Variants in B4GALT6 observed in about 807,000 individuals in gnomAD.
The protein encoded by B4GALT6 is beta-1,4-galactosyltransferase 6, also known as UDP-Gal:beta-GlcNAc beta-1,4-galactosyltransferase 6.
A neutral mutation model predicts 46.3 loss-of-function variants in B4GALT6; 14 were observed. The ratio of observed to expected loss-of-function variants is 0.30; its 90% CI spans 0.20 to 0.47. The LOEUF (loss-of-function observed/expected upper bound fraction) is 0.47. Among genes scored for constraint, B4GALT6 ranks in the 20% least tolerant of loss-of-function variants. The pLI is 0.99. For synonymous variants in B4GALT6, 168 were observed against 162.0 expected, an observed-to-expected ratio of 1.04 and a Z score of -0.28; for missense variants, 386 against 480.1, an observed-to-expected ratio of 0.80 and a Z score of 1.83.
At position 31,624,811 on chromosome 18, in the gene B4GALT6, C is replaced by T. The variant is rs1236496116; in HGVS notation, c.*803G>A. ...CAGAGGTACATGGAAAGACATTTAA[C>T]ATAAAGAGATCCTTTATATCATGTC... On this transcript the variant is annotated 3_prime_UTR_variant, in exon 9 of 9. Transcript: ENST00000306851. 1 of 152,582 alleles carries T rather than the reference C, an allele frequency of 6.6e-6. No individual in the cohort carries two copies. Among genetic ancestry groups the T allele is most frequent in the Non-Finnish European group, 1.5e-5 (1 of 68,022 alleles). The allele number at this position is 152,582 out of a possible 1,614,324, so 9.5% of individuals were successfully genotyped here. A position where few individuals can be genotyped will look rare whatever the true frequency, so the allele number is the denominator to read the frequency against.
At chr18:31,720,860 G>A in the B4GALT6 span, among the ~76,000 whole-genome samples, 4 of 152,166 alleles carry the variant, frequency 2.6e-5, no homozygotes, top group Admixed American at 2.6e-4. Context: ...TGCAAATCTG[G>A]GATATGCAGG....
intron 2 of B4GALT6, among the ~76,000 whole-genome samples, chr18:31,666,029 ATTAAC>A (rs771155671): frequency 5.3e-5 from 8 of 152,234 alleles, no homozygotes; most frequent in Non-Finnish European, 1.2e-4. Context: ...GTTTACAAGA[ATTAAC>A]TTAAGTGTCT....
chr18:31,656,752 C>A (rs966308609), intron 3 of B4GALT6, among the ~76,000 whole-genome samples: 1 of 151,954 alleles, frequency 6.6e-6, no homozygotes, highest in South Asian at 2.1e-4. Context: ...AAACAAGAAG[C>A]CTGGGAATGT....
intron 3 of B4GALT6, among the ~76,000 whole-genome samples, chr18:31,646,636 C>T (rs914176217): frequency 2.0e-5 from 3 of 152,148 alleles, no homozygotes; most frequent in African/African-American, 7.2e-5. Flanking sequence ...TTGAGGTTTC[C>T]CATTTCGAGT....
At chr18:31,669,179 A>G (rs2074319654) in intron 1 of B4GALT6, among the ~76,000 whole-genome samples, 2 of 152,180 alleles carry the variant, frequency 1.3e-5, no homozygotes, top group South Asian at 4.1e-4. Flanking sequence ...TTTGTCCCAG[A>G]GATTCAAAGT....
intron 5 of B4GALT6, among the ~76,000 whole-genome samples, chr18:31,638,396 G>A (rs572686979): frequency 2.0e-5 from 3 of 151,972 alleles, no homozygotes; most frequent in Non-Finnish European, 2.9e-5. Context: ...GCGTGGTGGC[G>A]GGTGCCTGTA....
At chr18:31,673,578 T>C (rs751588997) in intron 1 of B4GALT6, among the ~76,000 whole-genome samples, 21 of 152,296 alleles carry the variant, frequency 1.4e-4, no homozygotes, top group Non-Finnish European at 1.5e-5. Context: ...TTGGCAGGCA[T>C]AGGTTTCTGA....
At position 31,627,121 on chromosome 18, in the gene B4GALT6, A is replaced by T. The variant is rs774347913; in HGVS notation, c.777T>A (p.Ile259=). ...FAAKLDKYMY[I]LPYKEFFGGV... ...CACCAAAAAATTCTTTATATGGAAGACTAGAAAAGAAAGACACAGTATTCT... is the reference window on the plus strand; with the variant it reads ...CACCAAAAAATTCTTTATATGGAAGTCTAGAAAAGAAAGACACAGTATTCT... Residue 259 remains isoleucine, a splice_region_variant and synonymous_variant, in exon 7 of 9, where the codon ATT becomes ATA. Transcript: ENST00000306851. 2.5e-6 allele frequency: 4 copies of T among 1,591,768 alleles called. No homozygotes were observed. The Admixed American group carries it at 5.5e-5, about 22-fold the overall frequency.
the B4GALT6 span, chr18:31,724,606 G>T: frequency 2.8e-6 from 3 of 1,064,452 alleles, no homozygotes; most frequent in Non-Finnish European, 2.3e-6. Context: ...GAGCTGCCCC[G>T]GGGCCAGAGC....
intron 1 of B4GALT6, among the ~76,000 whole-genome samples, chr18:31,667,841 C>A (rs912829951): frequency 5.3e-5 from 8 of 152,248 alleles, no homozygotes; most frequent in African/African-American, 1.9e-4. Flanking sequence ...TGAAGACTCA[C>A]GCCTGTAATT....
upstream of B4GALT6, chr18:31,685,848 C>T (rs2029896951): frequency 6.6e-6 from 1 of 152,286 alleles, no homozygotes; most frequent in African/African-American, 2.4e-5. Flanking sequence ...CTATCCCGCA[C>T]TTCCTGTGGA....
chr18:31,694,544 C>T, the B4GALT6 span, among the ~76,000 whole-genome samples: 18 of 152,086 alleles, frequency 1.2e-4, 1 homozygote, highest in African/African-American at 4.3e-4. Flanking sequence ...GCCAGTATAC[C>T]AAGGAGAGGC....
chr18:31,721,627 T>A, the B4GALT6 span, among the ~76,000 whole-genome samples: 3 of 152,196 alleles, frequency 2.0e-5, no homozygotes, highest in African/African-American at 7.2e-5. Context: ...ATAGGTCTTA[T>A]CCAATCAGTT....
the B4GALT6 span, among the ~76,000 whole-genome samples, chr18:31,718,404 G>T: frequency 1.3e-5 from 2 of 152,310 alleles, no homozygotes; most frequent in South Asian, 2.1e-4. Context: ...GCAAGATAGG[G>T]CCTGTTTATA....
chr18:31,697,040 G>A, the B4GALT6 span, among the ~76,000 whole-genome samples: 1 of 152,180 alleles, frequency 6.6e-6, no homozygotes, highest in African/African-American at 2.4e-5. Context: ...GGAAGCTGAG[G>A]CAAGTGGATC....
At chr18:31,697,503 C>T in the B4GALT6 span, among the ~76,000 whole-genome samples, 1 of 152,128 alleles carries the variant, frequency 6.6e-6, no homozygotes, top group African/African-American at 2.4e-5. Flanking sequence ...TTTGTCCTTG[C>T]TCCTAGAAGT....
the B4GALT6 span, among the ~76,000 whole-genome samples, chr18:31,705,707 C>T: frequency 1.3e-5 from 2 of 152,084 alleles, no homozygotes; most frequent in Non-Finnish European, 2.9e-5. Context: ...TTTGTGTGGA[C>T]CTTTTTGTAT....
chr18:31,643,049 T>A (rs184409109), intron 4 of B4GALT6, among the ~76,000 whole-genome samples: 10 of 152,272 alleles, frequency 6.6e-5, no homozygotes, highest in Admixed American at 5.9e-4. Context: ...CTTATTTCCC[T>A]CTCTCTCCAC....
At chr18:31,628,748 A>G (rs1244069314) in intron 6 of B4GALT6, among the ~76,000 whole-genome samples, 1 of 152,188 alleles carries the variant, frequency 6.6e-6, no homozygotes, top group Non-Finnish European at 1.5e-5. Flanking sequence ...ATCTACTGCC[A>G]TTCTCCTAGA....
Sources: allele counts gnomAD v4.1 joint callset (sites outside exome capture counted in the v4.1 genomes callset), GRCh38; gene constraint gnomAD v4.1.1; transcripts MANE v1.5; gene names NCBI Gene and HGNC (gene_info 2026-07-23, HGNC 2026-07-21).